Variants in DNAAF9 observed in about 807,000 individuals in gnomAD.
DNAAF9 encodes the protein shulin.
Under a neutral mutation model 167.0 loss-of-function variants are expected in DNAAF9, and 90 were observed. The ratio of observed to expected loss-of-function variants is 0.54; its 90% CI spans 0.45 to 0.64. The LOEUF (loss-of-function observed/expected upper bound fraction) is 0.64, where lower values mean the gene tolerates loss of function less well. Ranked by LOEUF, DNAAF9 falls within the 30% of genes least tolerant of loss-of-function variation. DNAAF9 has a pLI of 0.00. For synonymous variants in DNAAF9, 491 were observed against 508.8 expected (o/e 0.96, Z 0.47); for missense variants, 1,315 against 1,442.2 (o/e 0.91, Z 1.43).
chr20:3,277,266 C>T lies in DNAAF9; in HGVS notation c.2650+1646G>A, dbSNP rs2068689715. The stretch of plus-strand genomic sequence containing the variant: ...AGCCAGTGGGCTTTTCTCTGTTCTT[C>T]CCTCAAGGTCTCTGCAGCATTAGAC... On this transcript the variant is annotated intron_variant, in intron 29 of 36. Coordinates refer to ENST00000252032, the MANE Select transcript of DNAAF9 (RefSeq NM_001009984.3). Among the ~76,000 whole-genome samples, 5 of 151,870 alleles carry T rather than the reference C, an allele frequency of 3.3e-5. No homozygotes were observed. The South Asian group carries it at 1.0e-3, about 32-fold the overall frequency.
intron 23 of DNAAF9, chr20:3,295,791 G>GCTTCAATATTCAGTGGAT: frequency 1.2e-6 from 1 of 807,006 alleles, no homozygotes; most frequent in Middle Eastern, 3.3e-4. Context: ...ATGTTCTGCA[G>GCTTCAATATTCAGTGGAT]CTTCAATATT....
intron 21 of DNAAF9, among the ~76,000 whole-genome samples, chr20:3,300,459 A>AT (rs1446964983): frequency 2.0e-5 from 3 of 151,236 alleles, no homozygotes; most frequent in Non-Finnish European, 4.4e-5. Context: ...GAATTGTTTT[A>AT]TTTTTCTGAG....
chr20:3,281,300 A>C (rs887235346), intron 28 of DNAAF9, among the ~76,000 whole-genome samples: 1 of 151,022 alleles, frequency 6.6e-6, no homozygotes. Context: ...AAGTGCTGGG[A>C]TTACAGGCAT....
At chr20:3,332,600 C>T (rs1013188687) in intron 10 of DNAAF9, among the ~76,000 whole-genome samples, 9 of 151,686 alleles carry the variant, frequency 5.9e-5, no homozygotes, top group African/African-American at 2.2e-4. Context: ...AGTACAGGCA[C>T]ATGCCATCAC....
rs781547457 is a variant in DNAAF9 at position 3,318,348 on chromosome 20, A to G, written c.1409T>C (p.Leu470Ser). The G allele has an allele frequency of 1.2e-6, 2 of 1,608,146 alleles. No homozygotes were observed. The highest frequency in any genetic ancestry group is 2.2e-5 in the South Asian group (2 of 90,938). Residue 470 changes from leucine (L) to serine (S), a missense_variant, in exon 17 of 37, where the codon TTA becomes TCA. Around this residue, in one of 2 missense-constraint regions of DNAAF9, gnomAD observed 981 missense variants for 1,012.5 expected, o/e 0.97. Coordinates refer to ENST00000252032, the MANE Select transcript of DNAAF9 (RefSeq NM_001009984.3). ...IPDLLGGNGC[L>S]GSVVFSESFL... ...TGATTCAGAGAAAACCACAGATCCT[A>G]AACAACCATTGCCTCCCAGTAAGTC...
chr20:3,384,475 CAAAAA>C (rs762508676), intron 1 of DNAAF9: 3 of 150,074 alleles, frequency 2.0e-5, no homozygotes, highest in Admixed American at 6.6e-5. Flanking sequence ...CAAAAAGTAT[CAAAAA>C]GAGAAAGAAA....
chr20:3,271,621 T>A (rs1251741997), intron 29 of DNAAF9, among the ~76,000 whole-genome samples: 2 of 96,878 alleles, frequency 2.1e-5, no homozygotes, highest in Non-Finnish European at 4.5e-5. Context: ...TTTATTTACT[T>A]CTTCTTTTTT....
Position 3,340,645 on chromosome 20 carries a change from G to A in DNAAF9, c.846-6C>T, listed in dbSNP as rs1165207252. 6.2e-7 allele frequency: 1 copy of A among 1,613,768 alleles called. No homozygotes were observed. Among genetic ancestry groups the A allele is most frequent in the Non-Finnish European group, 8.5e-7 (1 of 1,179,818 alleles). ...CAAATGGCTGCCGGTTAGGGCTAGA[G>A]AGGGAAGTCAAAAACATGTGATTAG... On this transcript the variant is annotated splice_polypyrimidine_tract_variant and splice_region_variant and intron_variant, in intron 9 of 36. Transcript: ENST00000252032.
At chr20:3,260,195 C>T (rs900016190) in intron 31 of DNAAF9, among the ~76,000 whole-genome samples, 167 bp from the exon 32 acceptor site, 43 of 151,926 alleles carry the variant, frequency 2.8e-4, no homozygotes, top group African/African-American at 9.7e-4. Context: ...AAAAATTAGC[C>T]GGGCGCGGTG....
At chr20:3,351,476 C>T (rs2070323189) in intron 7 of DNAAF9, among the ~76,000 whole-genome samples, 1 of 150,410 alleles carries the variant, frequency 6.6e-6, no homozygotes, top group Admixed American at 6.6e-5. Flanking sequence ...AAGAGTGAGA[C>T]TCCATCTCAA....
At chr20:3,393,160 A>T (rs1158583616) in intron 1 of DNAAF9, among the ~76,000 whole-genome samples, 1 of 151,916 alleles carries the variant, frequency 6.6e-6, no homozygotes, top group African/African-American at 2.4e-5. Flanking sequence ...AATGATGTTG[A>T]ATACCTTTTA....
At chr20:3,275,133 A>C (rs2068656430) in intron 29 of DNAAF9, among the ~76,000 whole-genome samples, 2 of 152,162 alleles carry the variant, frequency 1.3e-5, no homozygotes, top group Non-Finnish European at 2.9e-5. Flanking sequence ...CAAGTCCAAA[A>C]TGTGGCACAG....
At chr20:3,298,310 A>G in intron 21 of DNAAF9, 135 bp from the exon 22 acceptor site, 1 of 739,242 alleles carries the variant, frequency 1.4e-6, no homozygotes, top group Non-Finnish European at 2.2e-6. Context: ...GGTTCAGTAT[A>G]GATGTGCTTT....
intron 22 of DNAAF9, among the ~76,000 whole-genome samples, chr20:3,297,562 C>T (rs1334808220): frequency 6.6e-6 from 1 of 152,152 alleles, no homozygotes; most frequent in East Asian, 1.9e-4. Flanking sequence ...ATTGCTTGGT[C>T]TCTAAGTGGG....
rs534108957 is a variant in DNAAF9 at position 3,367,308 on chromosome 20, C to T, written c.612+6740G>A. ...TGGTTGATCTTTTATCCAGACCACTCAAAGTTTCTCCGTATCAGCAATACG... is the reference window on the plus strand; with the variant it reads ...TGGTTGATCTTTTATCCAGACCACTTAAAGTTTCTCCGTATCAGCAATACG... On this transcript the variant is annotated intron_variant, in intron 6 of 36. Transcript: ENST00000252032. Among the ~76,000 whole-genome samples, 5 of 152,324 alleles carry T rather than the reference C, an allele frequency of 3.3e-5. No individual in the cohort carries two copies. In the South Asian group the frequency reaches 1.0e-3, roughly 32 times the overall value.
chr20:3,399,917 TATCTAAAATGGTTAA>T (rs2083960703), intron 1 of DNAAF9, among the ~76,000 whole-genome samples: 1 of 152,222 alleles, frequency 6.6e-6, no homozygotes, highest in African/African-American at 2.4e-5. Context: ...TAGGCCACCT[TATCTAAAATGGTTAA>T]AACTCATGTC....
chr20:3,307,210 G>C (rs779639860), intron 20 of DNAAF9: 14 of 952,080 alleles, frequency 1.5e-5, no homozygotes, highest in African/African-American at 3.5e-5. Flanking sequence ...ATGGAAAAGA[G>C]GAAGACAAAT....
At chr20:3,342,859 G>A (rs1457875542) in intron 9 of DNAAF9, among the ~76,000 whole-genome samples, 1 of 152,108 alleles carries the variant, frequency 6.6e-6, no homozygotes. Context: ...AAACACTTTC[G>A]AACCCTCATT....
Position 3,298,101 on chromosome 20 carries a change from G to C in DNAAF9, c.1857C>G (p.Phe619Leu). ...SSLLPHLPVH[F>L]HGSSNFLMIA... ...TCATCAGAAAATTGCTTGATCCATGGAAATGAACTGGGAGGTGAGGAAGCA... is the reference window on the plus strand; with the variant it reads ...TCATCAGAAAATTGCTTGATCCATGCAAATGAACTGGGAGGTGAGGAAGCA... Residue 619 changes from phenylalanine to leucine, a missense_variant, in exon 22 of 37, where the codon TTC becomes TTG. By Grantham distance (22) the Phe-to-Leu change is conservative. Coordinates refer to ENST00000252032, the MANE Select transcript of DNAAF9 (RefSeq NM_001009984.3). 5 of 1,612,276 alleles carry C rather than the reference G, an allele frequency of 3.1e-6. No individual in the cohort carries two copies. Among genetic ancestry groups the C allele is most frequent in the Non-Finnish European group, 4.2e-6 (5 of 1,178,330 alleles).
Sources: gnomAD v4.1 joint callset for allele counts (sites outside exome capture counted in the v4.1 genomes callset) on GRCh38, gnomAD v4.1.1 for gene constraint, gnomAD v4.1.1 regional missense constraint, MANE v1.5 for transcripts, NCBI Gene and HGNC (gene_info 2026-07-23, HGNC 2026-07-21) for gene names.